Variants in MED24 observed in about 807,000 individuals in gnomAD.
MED24 encodes mediator of RNA polymerase II transcription subunit 24.
A neutral mutation model predicts 118.8 loss-of-function variants in MED24; 74 were observed. That is an observed-to-expected ratio of 0.62 (90% CI 0.52 to 0.76). The LOEUF (loss-of-function observed/expected upper bound fraction) is 0.76. Ranked by LOEUF, MED24 falls within the 30% of genes least tolerant of loss-of-function variation. The pLI, the probability that MED24 is intolerant of heterozygous loss-of-function variation, is 0.00. For synonymous variants in MED24, 521 were observed against 523.9 expected (o/e 0.99, Z 0.08); for missense variants, 1,041 against 1,278.9 (o/e 0.81, Z 2.84).
At chr17:40,029,705 GAAGA>G (rs774958342) in intron 13 of MED24, 39 bp downstream of exon 13, 63 of 1,559,240 alleles carry the variant, frequency 4.0e-5, no homozygotes, top group Non-Finnish European at 5.3e-5. Flanking sequence ...GCACTGGAAA[GAAGA>G]AAGAGAAGAC....
At position 40,019,287 on chromosome 17, in the gene MED24, C is replaced by T. The variant is rs1187316142; in HGVS notation, c.*242G>A. On this transcript the variant is annotated 3_prime_UTR_variant, in exon 26 of 26. Coordinates refer to ENST00000394128, the MANE Select transcript of MED24 (RefSeq NM_014815.4). ...GGCGCACACAGGGGTGACCACTGGG[C>T]TTGTGGTCCAGGCTGCTCACTCTCC... The T allele has an allele frequency of 5.6e-6, 3 of 537,842 alleles. No homozygotes were observed. The highest frequency in any genetic ancestry group is 1.9e-5 in the African/African-American group (1 of 51,918). 33.3% of individuals were successfully genotyped at this position (537,842 alleles called of 1,614,324 possible).
rs566357287 is a variant in MED24 at position 40,025,346 on chromosome 17, C to T, written c.1985+810G>A. Among the ~76,000 whole-genome samples, 62 of 152,198 alleles carry T rather than the reference C, an allele frequency of 4.1e-4. 1 individual carries two copies. The highest frequency in any genetic ancestry group is 1.3e-3 in the African/African-American group (55 of 41,538). ...GAAAAATTAGCCGGCTGTGGGCCTGCAGTCCCAGCTACTCGGGAGGCTGAG... is the reference window on the plus strand; with the variant it reads ...GAAAAATTAGCCGGCTGTGGGCCTGTAGTCCCAGCTACTCGGGAGGCTGAG... On this transcript the variant is annotated intron_variant, in intron 19 of 25. Coordinates refer to ENST00000394128, the MANE Select transcript of MED24 (RefSeq NM_014815.4).
intron 1 of MED24, 23 bp downstream of exon 1, chr17:40,054,338 C>T (rs145108645): frequency 3.3e-5 from 5 of 152,770 alleles, no homozygotes; most frequent in African/African-American, 9.6e-5. Context: ...TTTCATCCAC[C>T]ACCTCCCCAA....
At chr17:40,039,220 G>A (rs925497598) in intron 3 of MED24, among the ~76,000 whole-genome samples, 1 of 152,182 alleles carries the variant, frequency 6.6e-6, no homozygotes, top group Non-Finnish European at 1.5e-5. Context: ...TATCAATAAA[G>A]CACGGCTACT....
chr17:40,032,959 AC>A, intron 8 of MED24, 96 bp downstream of exon 8: 1 of 1,523,316 alleles, frequency 6.6e-7, no homozygotes, highest in Non-Finnish European at 8.9e-7. Context: ...AGCAGGAGAA[AC>A]CCCACTTCTC....
rs1183134039 is a variant in MED24 at position 40,036,160 on chromosome 17, G to C, written c.214-6C>G. 2.5e-6 allele frequency: 4 copies of C among 1,609,446 alleles called. No homozygotes were observed. The highest frequency in any genetic ancestry group is 2.6e-6 in the Non-Finnish European group (3 of 1,175,694). ...ACAGAAGAGTAGGACACCATCTGGA[G>C]AGAAGGAAGAAAGATAATCTTTAGA... On this transcript the variant is annotated splice_region_variant and splice_polypyrimidine_tract_variant and intron_variant, in intron 3 of 25. Coordinates refer to ENST00000394128, the MANE Select transcript of MED24 (RefSeq NM_014815.4).
intron 3 of MED24, among the ~76,000 whole-genome samples, chr17:40,044,153 CA>C (rs58516715): frequency 0.17 from 17,561 of 102,530 alleles, 1,895 homozygotes; most frequent in African/African-American, 0.35. Context: ...AAAGCCGTAA[CA>C]AAAAAAAAAA....
rs758666594 is a variant in MED24 at position 40,033,235 on chromosome 17, G to A, written c.672-29C>T. The A allele has an allele frequency of 2.5e-6, 4 of 1,613,194 alleles. No individual in the cohort carries two copies. In the South Asian group the frequency reaches 3.3e-5, roughly 13 times the overall value. On this transcript the variant is annotated intron_variant, in intron 7 of 25. Transcript: ENST00000394128. This position sits in a 1 kb window ranked among gnomAD's most constrained non-coding sequence, Gnocchi z 5.2. ...AGGGGTCACAAACACAGGGGACGGT[G>A]TTTGGGGGGCCAAAGGTGAAGGCGG...
chr17:40,023,103 C>A, intron 20 of MED24, 28 bp downstream of exon 20: 1 of 1,597,064 alleles, frequency 6.3e-7, no homozygotes, highest in South Asian at 1.1e-5. Flanking sequence ...GGACCCATGT[C>A]GGCCCACAGC....
chr17:40,022,778 G>A lies in MED24; in HGVS notation c.2299C>T (p.Leu767=), dbSNP rs1372170756. ...TCCAGGCAGAAGATGGAGTAGAGCA[G>A]CTCCACTGCCCGCAGCGTGTGCTCC... The part of the protein sequence containing the change: ...RKEHTLRAVE[L]LYSIFCLDMQ... The change falls in exon 21 of 26, where the codon CTG becomes TTG. Residue 767 remains leucine, a synonymous_variant. Coordinates refer to ENST00000394128, the MANE Select transcript of MED24 (RefSeq NM_014815.4). 6.2e-7 allele frequency: 1 copy of A among 1,613,782 alleles called. No homozygotes were observed.
chr17:40,025,237 T>C (rs1982505210), intron 19 of MED24, among the ~76,000 whole-genome samples: 1 of 152,072 alleles, frequency 6.6e-6, no homozygotes, highest in South Asian at 2.1e-4. Flanking sequence ...TCCCAGCACT[T>C]TGGGAGACCA....
chr17:40,040,488 G>A (rs980725157), intron 3 of MED24, among the ~76,000 whole-genome samples: 2 of 152,054 alleles, frequency 1.3e-5, no homozygotes, highest in Non-Finnish European at 1.5e-5. Context: ...AAATTCCTGG[G>A]ATTACAGGTA....
At chr17:40,027,747 T>G (rs1982864754) in intron 15 of MED24, 162 bp downstream of exon 15, 2 of 790,934 alleles carry the variant, frequency 2.5e-6, no homozygotes, top group African/African-American at 1.7e-5. Context: ...TTTTCCAGCA[T>G]TATCCACTTT....
intron 3 of MED24, among the ~76,000 whole-genome samples, chr17:40,052,190 G>A (rs1362669705): frequency 6.6e-6 from 1 of 152,088 alleles, no homozygotes; most frequent in Non-Finnish European, 1.5e-5. Context: ...CTACTCGGGA[G>A]GCTGAGGTAG....
rs756414164 is a variant in MED24, at chr17:40,035,779, C to T, written c.269G>A (p.Arg90Gln). 10 of 1,613,878 alleles carry T rather than the reference C, an allele frequency of 6.2e-6. No homozygotes were observed. Among genetic ancestry groups the T allele is most frequent in the Admixed American group, 3.3e-5 (2 of 59,964 alleles). ...CAGCAATGCCTGGACACACAGGTCCCGAGAAAAGTCATCAAACTGTGGAAA... is the reference window on the plus strand; with the variant it reads ...CAGCAATGCCTGGACACACAGGTCCTGAGAAAAGTCATCAAACTGTGGAAA... Reference protein sequence around the residue: ...TAISKFDDFSRDLCVQALLDI... With the variant: ...TAISKFDDFSQDLCVQALLDI... Residue 90 changes from arginine (R) to glutamine (Q), a missense_variant, in exon 5 of 26, where the codon CGG becomes CAG. Arg to Gln is a conservative substitution (Grantham distance 43, BLOSUM62 1). Coordinates refer to ENST00000394128, the MANE Select transcript of MED24 (RefSeq NM_014815.4).
At position 40,019,930 on chromosome 17, in the gene MED24, T is replaced by A; in HGVS notation, c.2708A>T (p.Asn903Ile). 1.3e-6 allele frequency: 2 copies of A among 1,562,894 alleles called. No homozygotes were observed. The highest frequency in any genetic ancestry group is 1.7e-6 in the Non-Finnish European group (2 of 1,153,128). ...MRDPLNRVLA[N>I]LFLLISSILG... is the part of the protein sequence containing the mutation. ...GATGGAGGAGATGAGCAGGAACAGGTTGGCTGTAGAGAGTGGGGGGAGAGT... is the reference window on the plus strand; with the variant it reads ...GATGGAGGAGATGAGCAGGAACAGGATGGCTGTAGAGAGTGGGGGGAGAGT... The change falls in exon 25 of 26, where the codon AAC becomes ATC. Residue 903 changes from asparagine to isoleucine, a missense_variant. Coordinates refer to ENST00000394128, the MANE Select transcript of MED24 (RefSeq NM_014815.4).
In MED24 at chr17:40,028,006, C is replaced by T. The variant is rs547889304; in HGVS notation, c.1410-60G>A. The T allele has an allele frequency of 5.5e-5, 85 of 1,548,320 alleles. No individual in the cohort carries two copies. The South Asian group carries it at 9.1e-4, about 17-fold the overall frequency. On this transcript the variant is annotated intron_variant, in intron 14 of 25. Coordinates refer to ENST00000394128, the MANE Select transcript of MED24 (RefSeq NM_014815.4). ...GCATGAGCTGAGCAGTAGCTGGGCG[C>T]TGGGGCTACACATGTTCAGAGAGCG...
Position 40,030,286 on chromosome 17 carries a change from C to A in MED24, c.1155-427G>T, listed in dbSNP as rs186661239. The stretch of plus-strand genomic sequence containing the variant: ...ATTACAGGTGAGCCAGCACACCTGG[C>A]AATTTATCATTAGTCTTTTTTTTTT... On this transcript the variant is annotated intron_variant, in intron 12 of 25. Transcript: ENST00000394128. 3.1e-3 allele frequency among the ~76,000 whole-genome samples: 454 copies of A among 146,804 alleles called. 2 individuals carry two copies. Among genetic ancestry groups the A allele is most frequent in the Non-Finnish European group, 5.1e-3 (335 of 66,236 alleles).
chr17:40,019,336 A>G lies in MED24; in HGVS notation c.*193T>C. ...CCTCAGGTGCCAGCAGATGGAGAGGAAATTTTGAAAGAAGAAACCGGGAGA... is the reference window on the plus strand; with the variant it reads ...CCTCAGGTGCCAGCAGATGGAGAGGGAATTTTGAAAGAAGAAACCGGGAGA... On this transcript the variant is annotated 3_prime_UTR_variant, in exon 26 of 26. Transcript: ENST00000394128. 1 of 591,720 alleles carries G rather than the reference A, an allele frequency of 1.7e-6. No individual in the cohort carries two copies. The highest frequency in any genetic ancestry group is 3.0e-6 in the Non-Finnish European group (1 of 335,962). The allele number at this position is 591,720 out of a possible 1,614,324, so 36.7% of individuals were successfully genotyped here. A position where few individuals can be genotyped will look rare whatever the true frequency, so the allele number is the denominator to read the frequency against.
Sources: gnomAD v4.1 joint callset for allele counts (sites outside exome capture counted in the v4.1 genomes callset) on GRCh38, gnomAD v4.1.1 for gene constraint, Gnocchi (gnomAD v3.1) non-coding constraint, MANE v1.5 for transcripts, NCBI Gene and HGNC (gene_info 2026-07-23, HGNC 2026-07-21) for gene names.